Variants in DNAH11 observed in about 807,000 individuals in gnomAD.
DNAH11 encodes axonemal beta dynein heavy chain 11.
DNAH11 carries 442 observed loss-of-function variants against 526.0 expected under a neutral mutation model. The ratio of observed to expected loss-of-function variants is 0.84; its 90% CI spans 0.78 to 0.91. The LOEUF (loss-of-function observed/expected upper bound fraction) is 0.91. Among genes scored for constraint, DNAH11 ranks in the 40% least tolerant of loss-of-function variants. The pLI is 0.00. For missense variants in DNAH11, 6,989 were observed against 5,448.7 expected (o/e 1.28, Z -8.90); for synonymous variants, 2,461 against 1,935.9 (o/e 1.27, Z -7.12).
chr7:21,636,914 T>C (rs1399657357), intron 26 of DNAH11, among the ~76,000 whole-genome samples: 1 of 152,156 alleles, frequency 6.6e-6, no homozygotes. Flanking sequence ...ACTACTAGTT[T>C]CGGTTTTTCT....
chr7:21,852,423 A>AT, intron 66 of DNAH11, 44 bp from the exon 67 acceptor site: 2 of 1,541,720 alleles, frequency 1.3e-6, no homozygotes, highest in Non-Finnish European at 1.7e-6. Flanking sequence ...AAAAAAAAAA[A>AT]GTACTTAACC....
intron 64 of DNAH11, among the ~76,000 whole-genome samples, chr7:21,816,937 A>C (rs555777527): frequency 1.3e-5 from 2 of 152,294 alleles, no homozygotes; most frequent in South Asian, 4.1e-4. Flanking sequence ...TAGAACAAAC[A>C]TTGGGTCTGT....
chr7:21,895,099 G>T (rs999036165), intron 79 of DNAH11, 100 bp downstream of exon 79: 5 of 975,788 alleles, frequency 5.1e-6, no homozygotes, highest in South Asian at 1.5e-5. Flanking sequence ...ACGGAGCTTT[G>T]TGACTGTTCT....
intron 45 of DNAH11, among the ~76,000 whole-genome samples, chr7:21,727,208 C>T (rs527640005): frequency 1.3e-5 from 2 of 152,014 alleles, no homozygotes; most frequent in African/African-American, 2.4e-5. Context: ...GCTGGGATTA[C>T]AGGCGTGAGC....
intron 65 of DNAH11, 81 bp downstream of exon 65, chr7:21,818,420 A>C (rs1789909652): frequency 1.3e-6 from 2 of 1,491,252 alleles, no homozygotes; most frequent in South Asian, 2.5e-5. Flanking sequence ...ATAGTCAAGC[A>C]GTCTATTGAA....
chr7:21,570,287 A>T lies in DNAH11; in HGVS notation c.1413A>T (p.Leu471Phe), dbSNP rs1371449998. The change falls in exon 7 of 82, where the codon TTA becomes TTT. Residue 471 changes from leucine to phenylalanine, a missense_variant. Leu to Phe is a conservative substitution (Grantham distance 22). Transcript: ENST00000409508. ...GATTTGACAAGTTTCTTGATCGTTT[A>T]ATAAAAATAGAGGTATTCATTTTTT... ...FCRFDKFLDR[L>F]IKIEDIFATT... 1 of 1,604,412 alleles carries T rather than the reference A, an allele frequency of 6.2e-7. No homozygotes were observed. The highest frequency in any genetic ancestry group is 8.5e-7 in the Non-Finnish European group (1 of 1,177,192).
Position 21,741,988 on chromosome 7 carries a change from G to T in DNAH11, c.7976G>T (p.Gly2659Val). 6.2e-7 allele frequency: 1 copy of T among 1,613,778 alleles called. No individual in the cohort carries two copies. The change falls in exon 49 of 82, where the codon GGC (glycine) becomes GTC (valine). Residue 2659 changes from glycine to valine, a missense_variant. Transcript: ENST00000409508. ...TTGGATGCACTAAACACCATCTATG[G>T]CCAAATCTTTAGCTTCCATTTCCAA... The part of the protein sequence containing the change: ...PSLDALNTIY[G>V]QIFSFHFQQQ...
At chr7:21,860,550 C>T (rs1469920827) in intron 68 of DNAH11, among the ~76,000 whole-genome samples, 1 of 152,166 alleles carries the variant, frequency 6.6e-6, no homozygotes, top group Non-Finnish European at 1.5e-5. Flanking sequence ...ACCCAGATGT[C>T]CGTCAGTGGA....
chr7:21,822,639 TA>T (rs1418755685), intron 65 of DNAH11, among the ~76,000 whole-genome samples: 1 of 152,224 alleles, frequency 6.6e-6, no homozygotes, highest in Non-Finnish European at 1.5e-5. Context: ...ATTTTGGATA[TA>T]TGCCCAGCAG....
At chr7:21,681,435 AAAG>A in intron 30 of DNAH11, 108 bp from the exon 31 acceptor site, 2 of 1,230,620 alleles carry the variant, frequency 1.6e-6, no homozygotes, top group Non-Finnish European at 2.2e-6. Flanking sequence ...TCAAAAAAAA[AAAG>A]AAATTGTTTT....
At chr7:21,833,716 A>G in intron 65 of DNAH11, among the ~76,000 whole-genome samples, 1 of 152,042 alleles carries the variant, frequency 6.6e-6, no homozygotes, top group East Asian at 1.9e-4. Flanking sequence ...AATAAAAATA[A>G]ATAAATAAAA....
intron 30 of DNAH11, among the ~76,000 whole-genome samples, chr7:21,667,306 G>A (rs1782459307): frequency 6.6e-6 from 1 of 152,114 alleles, no homozygotes; most frequent in Admixed American, 6.6e-5. Flanking sequence ...TGAAGAGCAG[G>A]AGTTGGCCTA....
intron 14 of DNAH11, among the ~76,000 whole-genome samples, chr7:21,598,346 A>G (rs1445186899): frequency 1.3e-5 from 2 of 151,914 alleles, no homozygotes; most frequent in African/African-American, 2.4e-5. Context: ...ACCTTTTGAA[A>G]CCTGTGTCTC....
Position 21,619,272 on chromosome 7 carries a change from T to G in DNAH11, c.4377+50T>G, listed in dbSNP as rs755413762. 8 of 1,581,728 alleles carry G rather than the reference T, an allele frequency of 5.1e-6. No individual in the cohort carries two copies. The Middle Eastern group carries it at 1.0e-3, about 200-fold the overall frequency. ...TTCTACTTGGCTAATTTTGGGTATT[T>G]GCATAGAAGCCAACTTAGAGAAAAG... On this transcript the variant is annotated intron_variant, in intron 24 of 81. Transcript: ENST00000409508.
intron 64 of DNAH11, among the ~76,000 whole-genome samples, chr7:21,816,989 A>G (rs1349457787): frequency 6.6e-6 from 1 of 152,128 alleles, no homozygotes; most frequent in Non-Finnish European, 1.5e-5. Flanking sequence ...GAATGGATAT[A>G]TATTATATTC....
intron 14 of DNAH11, among the ~76,000 whole-genome samples, chr7:21,596,399 A>G (rs563046446): frequency 1.3e-4 from 20 of 152,220 alleles, no homozygotes; most frequent in Non-Finnish European, 2.9e-4. Context: ...GTATTTATCT[A>G]GAAATTAATT....
chr7:21,887,822 A>AGT (rs1784180053), intron 76 of DNAH11, among the ~76,000 whole-genome samples: 1 of 152,162 alleles, frequency 6.6e-6, no homozygotes, highest in Non-Finnish European at 1.5e-5. Context: ...AATCTGGAAG[A>AGT]GTAAGTATTA....
intron 66 of DNAH11, among the ~76,000 whole-genome samples, chr7:21,847,675 C>T (rs898200660): frequency 9.9e-5 from 15 of 152,250 alleles, no homozygotes; most frequent in South Asian, 2.1e-4. Flanking sequence ...CAGTGACATT[C>T]GATCCGGTTG....
At chr7:21,710,905 C>T (rs557269108) in intron 41 of DNAH11, among the ~76,000 whole-genome samples, 2 of 152,082 alleles carry the variant, frequency 1.3e-5, no homozygotes, top group Admixed American at 1.3e-4. Context: ...CTCTTTGTTT[C>T]TTTGAATTCA....
Sources: allele counts gnomAD v4.1 joint callset (sites outside exome capture counted in the v4.1 genomes callset), GRCh38; gene constraint gnomAD v4.1.1; transcripts MANE v1.5; gene names NCBI Gene and HGNC (gene_info 2026-07-23, HGNC 2026-07-21).